KCNT2: variants seen among roughly 807,000 people sequenced by gnomAD.
KCNT2 encodes potassium sodium-activated channel subfamily T member 2.
Under a neutral mutation model 153.8 loss-of-function variants are expected in KCNT2, and 67 were observed. The ratio of observed to expected loss-of-function variants is 0.44; its 90% CI spans 0.36 to 0.53. The LOEUF is 0.53. Ranked by LOEUF, KCNT2 falls within the 20% of genes least tolerant of loss-of-function variation. The probability of loss-of-function intolerance (pLI) is 0.00; values close to 1 mark genes in which losing one functional copy is unlikely to be tolerated. For missense variants in KCNT2, 975 were observed against 1,354.8 expected, an observed-to-expected ratio of 0.72 and a Z score of 4.40; for synonymous variants, 500 against 458.8, an observed-to-expected ratio of 1.09 and a Z score of -1.15.
intron 14 of KCNT2, among the ~76,000 whole-genome samples, chr1:196,351,332 A>G (rs1251129416): frequency 1.3e-5 from 2 of 152,220 alleles, no homozygotes; most frequent in African/African-American, 4.8e-5. Context: ...CTTCCTACCC[A>G]TGAGCATGGA....
rs150605752 is a variant in KCNT2 at position 196,399,097 on chromosome 1, A to ATGTGTGTGTGTGTG, written c.1186-440_1186-427dup. 2.7e-5 allele frequency among the ~76,000 whole-genome samples: 4 copies of ATGTGTGTGTGTGTG among 148,944 alleles called. 1 individual carries two copies. Among genetic ancestry groups the ATGTGTGTGTGTGTG allele is most frequent in the African/African-American group, 9.8e-5 (4 of 40,916 alleles). On this transcript the variant is annotated intron_variant, in intron 12 of 27. Coordinates refer to ENST00000294725, the MANE Select transcript of KCNT2 (RefSeq NM_198503.5). ...GGTAAAATAATTTTGACCTGTGTGT[A>ATGTGTGTGTGTGTG]TGTGTGTGTGTGTGTGTCTGTGTGT...
At chr1:196,373,007 T>A in intron 14 of KCNT2, 133 bp downstream of exon 14, 1 of 528,806 alleles carries the variant, frequency 1.9e-6, no homozygotes. Context: ...CAGATAAAGA[T>A]AACTCACACA....
At chr1:196,507,191 A>T (rs1161979103) in intron 1 of KCNT2, among the ~76,000 whole-genome samples, 1 of 152,160 alleles carries the variant, frequency 6.6e-6, no homozygotes, top group Non-Finnish European at 1.5e-5. Context: ...AAACCATCTC[A>T]ATACAATTTC....
At chr1:196,277,913 T>C (rs972517135) in intron 25 of KCNT2, among the ~76,000 whole-genome samples, 1 of 152,184 alleles carries the variant, frequency 6.6e-6, no homozygotes, top group African/African-American at 2.4e-5. Flanking sequence ...GGTTAATATT[T>C]AATTGATATC....
intron 8 of KCNT2, among the ~76,000 whole-genome samples, chr1:196,446,206 C>A (rs1276424539): frequency 6.6e-6 from 1 of 151,064 alleles, no homozygotes; most frequent in Non-Finnish European, 1.5e-5. Flanking sequence ...AAACACATGA[C>A]AAAAAAATTA....
intron 22 of KCNT2, among the ~76,000 whole-genome samples, chr1:196,292,963 AGT>A (rs34398853): frequency 0.036 from 5,445 of 152,140 alleles, 145 homozygotes; most frequent in Middle Eastern, 0.099. Context: ...AAAAGTCAAC[AGT>A]GTTTCTTTAC....
At position 196,361,959 on chromosome 1, in the gene KCNT2, C is replaced by T. The variant is rs368020628; in HGVS notation, c.1403+11181G>A. On this transcript the variant is annotated intron_variant, in intron 14 of 27. Coordinates refer to ENST00000294725, the MANE Select transcript of KCNT2 (RefSeq NM_198503.5). ...TCACTCTAAAGGGAAATCAAAATGC[C>T]TCTCATCCTCACTGGTACTCTATTT... Among the ~76,000 whole-genome samples the T allele has an allele frequency of 2.0e-4, 31 of 151,724 alleles. No homozygotes were observed. In the East Asian group the frequency reaches 4.7e-3, roughly 23 times the overall value.
chr1:196,333,360 T>A (rs1300394338), intron 17 of KCNT2, among the ~76,000 whole-genome samples: 2 of 152,120 alleles, frequency 1.3e-5, no homozygotes, highest in Non-Finnish European at 2.9e-5. Flanking sequence ...CTTTTATTCA[T>A]ACATTTAAAA....
At chr1:196,283,149 T>C (rs917097619) in intron 23 of KCNT2, among the ~76,000 whole-genome samples, 1 of 152,110 alleles carries the variant, frequency 6.6e-6, no homozygotes, top group Non-Finnish European at 1.5e-5. Context: ...AGGCCTAAAA[T>C]TGAACCTTTA....
chr1:196,598,241 T>A (rs572774961), intron 1 of KCNT2, among the ~76,000 whole-genome samples: 1 of 152,296 alleles, frequency 6.6e-6, no homozygotes, highest in East Asian at 1.9e-4. Context: ...ACTTGCTTTT[T>A]CATATTATCC....
intron 26 of KCNT2, among the ~76,000 whole-genome samples, chr1:196,256,742 G>GTT (rs1358316171): frequency 6.7e-6 from 1 of 148,950 alleles, no homozygotes; most frequent in Admixed American, 6.7e-5. Context: ...CCTTTGATCT[G>GTT]TTATATATAT....
chr1:196,429,699 G>C lies in KCNT2; in HGVS notation c.697C>G (p.Leu233Val). ...IGKKLNLFDSLYFCIVTFSTV... is the reference protein window; with the variant it reads ...IGKKLNLFDSVYFCIVTFSTV... ...GAAAACGTCACAATGCAGAAATAAA[G>C]GGAGTCAAAGAGATTCAGCTTCTTT... The change falls in exon 9 of 28, where the codon CTT becomes GTT. Residue 233 changes from leucine to valine, a missense_variant. Transcript: ENST00000294725. 6.2e-7 allele frequency: 1 copy of C among 1,612,190 alleles called. No homozygotes were observed. Among genetic ancestry groups the C allele is most frequent in the Non-Finnish European group, 8.5e-7 (1 of 1,179,114 alleles).
intron 25 of KCNT2, among the ~76,000 whole-genome samples, chr1:196,264,378 C>T (rs1657318824): frequency 6.6e-6 from 1 of 152,064 alleles, no homozygotes; most frequent in South Asian, 2.1e-4. Context: ...AAGGTATATA[C>T]ATTACTTCCT....
At chr1:196,416,286 C>T (rs1324079582) in intron 12 of KCNT2, among the ~76,000 whole-genome samples, 1 of 151,932 alleles carries the variant, frequency 6.6e-6, no homozygotes, top group Non-Finnish European at 1.5e-5. Flanking sequence ...GCATCAAGTG[C>T]CTCCTTGAAG....
chr1:196,315,652 A>C (rs1166649924), intron 21 of KCNT2, among the ~76,000 whole-genome samples: 1 of 151,754 alleles, frequency 6.6e-6, no homozygotes, highest in Non-Finnish European at 1.5e-5. Flanking sequence ...CTGTTAAACT[A>C]TCTGAGAAAA....
chr1:196,418,002 A>G (rs1055052267), intron 12 of KCNT2, among the ~76,000 whole-genome samples: 1 of 152,156 alleles, frequency 6.6e-6, no homozygotes, highest in African/African-American at 2.4e-5. Context: ...TTGTTAAATC[A>G]ATCTTCAGTG....
chr1:196,237,343 T>C (rs536936118), intron 26 of KCNT2, among the ~76,000 whole-genome samples: 1 of 151,652 alleles, frequency 6.6e-6, no homozygotes, highest in Non-Finnish European at 1.5e-5. Context: ...AAAACAAAAA[T>C]CCTTATCTTT....
intron 26 of KCNT2, among the ~76,000 whole-genome samples, chr1:196,240,994 G>T (rs1190111449): frequency 6.6e-6 from 1 of 151,774 alleles, no homozygotes; most frequent in Non-Finnish European, 1.5e-5. Context: ...GAATAAATTA[G>T]TAAAAGGGGC....
At chr1:196,421,078 C>T (rs1355015079) in intron 12 of KCNT2, among the ~76,000 whole-genome samples, 1 of 151,984 alleles carries the variant, frequency 6.6e-6, no homozygotes, top group Admixed American at 6.6e-5. Context: ...TAATTTGTTT[C>T]CTGTCTCAAC....
Sources: allele counts gnomAD v4.1 joint callset (sites outside exome capture counted in the v4.1 genomes callset), GRCh38; gene constraint gnomAD v4.1.1; transcripts MANE v1.5; gene names NCBI Gene and HGNC (gene_info 2026-07-23, HGNC 2026-07-21).